Variants in SNTG2 observed in about 807,000 individuals in gnomAD.
The protein encoded by SNTG2 is gamma-2-syntrophin.
A neutral mutation model predicts 70.9 loss-of-function variants in SNTG2; 74 were observed. That is an observed-to-expected ratio of 1.04 (90% CI 0.86 to 1.27). SNTG2 has a LOEUF of 1.27. Among genes scored for constraint, SNTG2 ranks in the 50% most tolerant of loss-of-function variants. SNTG2 has a pLI of 0.00. For synonymous variants in SNTG2, 278 were observed against 273.8 expected, an observed-to-expected ratio of 1.02 and a Z score of -0.15; for missense variants, 717 against 690.7, an observed-to-expected ratio of 1.04 and a Z score of -0.43.
At chr2:1,242,991 G>T (rs571874894) in intron 11 of SNTG2, among the ~76,000 whole-genome samples, 24 of 152,304 alleles carry the variant, frequency 1.6e-4, no homozygotes, top group Non-Finnish European at 3.1e-4. Context: ...AATTAGCTTT[G>T]CTTAAAATTA....
intron 9 of SNTG2, among the ~76,000 whole-genome samples, chr2:1,226,627 C>G (rs888546640): frequency 6.6e-6 from 1 of 151,900 alleles, no homozygotes; most frequent in African/African-American, 2.4e-5. Flanking sequence ...GTGAAGGACA[C>G]TCTTCGACTG....
At chr2:1,153,377 T>A (rs1395446484) in intron 6 of SNTG2, among the ~76,000 whole-genome samples, 1 of 152,252 alleles carries the variant, frequency 6.6e-6, no homozygotes, top group Non-Finnish European at 1.5e-5. Flanking sequence ...TGTTACATGA[T>A]GTTTATTTTA....
At chr2:1,025,541 C>T (rs999274660) in intron 1 of SNTG2, among the ~76,000 whole-genome samples, 15 of 152,198 alleles carry the variant, frequency 9.9e-5, no homozygotes, top group African/African-American at 3.6e-4. Flanking sequence ...GGACTGCGTT[C>T]TTTCTGGAAA....
chr2:1,099,645 G>A (rs371886096), intron 4 of SNTG2, among the ~76,000 whole-genome samples: 1 of 152,318 alleles, frequency 6.6e-6, no homozygotes, highest in East Asian at 1.9e-4. Flanking sequence ...GGGCAGCGAT[G>A]GTCAGGTCAT....
At chr2:1,308,728 C>CT (rs1194078971) in intron 15 of SNTG2, 142 bp downstream of exon 15, 25 of 685,694 alleles carry the variant, frequency 3.6e-5, no homozygotes, top group Admixed American at 1.1e-4. Flanking sequence ...CTTTCATAGA[C>CT]TTTTTTTTCT....
chr2:1,222,097 C>CTCTGTT (rs1675179498), intron 9 of SNTG2, among the ~76,000 whole-genome samples: 7 of 16,674 alleles, frequency 4.2e-4, no homozygotes, highest in Middle Eastern at 0.033. Flanking sequence ...CTCTCTCTGT[C>CTCTGTT]TCTCTCTGTC....
intron 1 of SNTG2, among the ~76,000 whole-genome samples, chr2:1,074,904 C>T (rs531961593): frequency 3.5e-4 from 53 of 152,280 alleles, no homozygotes; most frequent in Non-Finnish European, 1.0e-4. Context: ...TCACATGGCA[C>T]TGTGAAGTTT....
intron 11 of SNTG2, among the ~76,000 whole-genome samples, chr2:1,241,986 G>T (rs1050999873): frequency 8.5e-5 from 13 of 152,050 alleles, no homozygotes; most frequent in Admixed American, 8.5e-4. Flanking sequence ...AGTTGTACTG[G>T]GTAATTTAAG....
intron 9 of SNTG2, among the ~76,000 whole-genome samples, chr2:1,236,969 G>T (rs1227943001): frequency 2.0e-5 from 3 of 149,054 alleles, no homozygotes; most frequent in African/African-American, 5.0e-5. Context: ...TTCAGATAGG[G>T]TCTCACTCTG....
In SNTG2 at chr2:1,222,127, C is replaced by CTCTCTG. The variant is rs1553362376; in HGVS notation, c.719+12902_719+12903insGTCTCT. On this transcript the variant is annotated intron_variant, in intron 9 of 16. Coordinates refer to ENST00000308624, the MANE Select transcript of SNTG2 (RefSeq NM_018968.4). ...TCTGTCTCTCTCTGTCTCTCTCTGTCTCTCTCTGTCTCTCTCTGTCTCTGC... is the reference window on the plus strand; with the variant it reads ...TCTGTCTCTCTCTGTCTCTCTCTGTCTCTCTGTCTCTCTGTCTCTCTCTGTCTCTGC... 6.1e-5 allele frequency among the ~76,000 whole-genome samples: 7 copies of CTCTCTG among 115,410 alleles called. 1 individual carries two copies. In the East Asian group the frequency reaches 8.6e-4, roughly 14 times the overall value. 75.7% of individuals were successfully genotyped at this position (115,410 alleles called of 152,430 possible).
chr2:1,288,188 T>G (rs988251229), intron 14 of SNTG2, among the ~76,000 whole-genome samples: 2 of 152,242 alleles, frequency 1.3e-5, no homozygotes, highest in Non-Finnish European at 2.9e-5. Flanking sequence ...AAGTGTTTTT[T>G]GGGCGGCACT....
At chr2:1,092,741 A>G (rs998610995) in intron 2 of SNTG2, among the ~76,000 whole-genome samples, 14 of 152,342 alleles carry the variant, frequency 9.2e-5, no homozygotes, top group African/African-American at 3.4e-4. Context: ...TTGATGAGAA[A>G]TGTATAATTG....
At chr2:1,329,892 A>T (rs917039709) in intron 16 of SNTG2, among the ~76,000 whole-genome samples, 1 of 152,234 alleles carries the variant, frequency 6.6e-6, no homozygotes, top group African/African-American at 2.4e-5. Flanking sequence ...CACAAATCCT[A>T]TATAGTGACT....
In SNTG2 at chr2:1,019,297, C is replaced by T. The variant is rs180715827; in HGVS notation, c.73-64221C>T. Reference sequence around the variant, plus strand: ...ATGCTAAGAAGTTTTCATTTTAATCCATCAATGAGTGTGTTTAGAGCAAGA... The same window carrying T: ...ATGCTAAGAAGTTTTCATTTTAATCTATCAATGAGTGTGTTTAGAGCAAGA... On this transcript the variant is annotated intron_variant, in intron 1 of 16. Coordinates refer to ENST00000308624, the MANE Select transcript of SNTG2 (RefSeq NM_018968.4). Among the ~76,000 whole-genome samples, 825 of 152,268 alleles carry T rather than the reference C, an allele frequency of 5.4e-3. 3 individuals carry two copies. The highest frequency in any genetic ancestry group is 0.01 in the Non-Finnish European group (682 of 68,020).
intron 4 of SNTG2, among the ~76,000 whole-genome samples, chr2:1,109,425 G>C (rs1666297182): frequency 6.6e-6 from 1 of 152,064 alleles, no homozygotes; most frequent in East Asian, 1.9e-4. Context: ...CATCTGCATA[G>C]GAATTCCTGA....
chr2:1,316,052 G>A (rs1457320679), intron 15 of SNTG2, among the ~76,000 whole-genome samples: 1 of 152,184 alleles, frequency 6.6e-6, no homozygotes, highest in African/African-American at 2.4e-5. Flanking sequence ...GCTGGACTGT[G>A]GGGCGGGAGA....
chr2:1,002,309 G>A (rs1321169421), intron 1 of SNTG2, among the ~76,000 whole-genome samples: 3 of 152,104 alleles, frequency 2.0e-5, no homozygotes, highest in Non-Finnish European at 2.9e-5. Flanking sequence ...TTGACATAGT[G>A]AACAGACAAC....
At chr2:1,093,789 G>A (rs547227241) in intron 2 of SNTG2, among the ~76,000 whole-genome samples, 3 of 152,256 alleles carry the variant, frequency 2.0e-5, no homozygotes, top group Non-Finnish European at 2.9e-5. Context: ...GGGCTCCACC[G>A]TAATAAGGAA....
intron 16 of SNTG2, among the ~76,000 whole-genome samples, chr2:1,326,654 A>G (rs969733936): frequency 6.6e-6 from 1 of 152,090 alleles, no homozygotes; most frequent in East Asian, 1.9e-4. Context: ...ATCTTTTACT[A>G]TCTCCTATTA....
Sources: allele counts gnomAD v4.1 joint callset (sites outside exome capture counted in the v4.1 genomes callset), GRCh38; gene constraint gnomAD v4.1.1; transcripts MANE v1.5; gene names NCBI Gene and HGNC (gene_info 2026-07-23, HGNC 2026-07-21).